Variants in ERICH1 observed in about 807,000 individuals in gnomAD.
ERICH1 encodes the protein glutamate-rich protein 1.
A neutral mutation model predicts 39.6 loss-of-function variants in ERICH1; 56 were observed. The observed-to-expected ratio is 1.41, with a 90% CI of 1.14 to 1.77. The LOEUF is 1.77. ERICH1 is among the 40% of genes most tolerant of loss of function. The pLI is 0.00. For synonymous variants in ERICH1, 313 were observed against 223.6 expected (o/e 1.40, Z -3.57); for missense variants, 826 against 575.4 (o/e 1.44, Z -4.45).
At chr8:638,237 G>T (rs1308152910) in intron 3 of ERICH1, among the ~76,000 whole-genome samples, 3 of 152,234 alleles carry the variant, frequency 2.0e-5, no homozygotes, top group Non-Finnish European at 2.9e-5. Flanking sequence ...TGATTTCAGA[G>T]CCTCCCAGTG....
chr8:678,388 TAGAAAC>T (rs139580627), intron 3 of ERICH1, among the ~76,000 whole-genome samples: 8,800 of 152,252 alleles, frequency 0.058, 374 homozygotes, highest in African/African-American at 0.12. Context: ...GTTAATCCGT[TAGAAAC>T]AGATTCCTGA....
exon 4 of ERICH1, chr8:615,283 T>G (rs1040270874): frequency 1.4e-6 from 1 of 692,350 alleles, no homozygotes; most frequent in Non-Finnish European, 2.6e-6. Flanking sequence ...TGCTTAGGAC[T>G]CCTGGAAAAT....
chr8:637,114 TTC>T (rs1218760521), intron 3 of ERICH1, among the ~76,000 whole-genome samples: 3 of 152,234 alleles, frequency 2.0e-5, no homozygotes, highest in African/African-American at 4.8e-5. Flanking sequence ...ACGTTTCTGC[TTC>T]TCTCTTCTCT....
intron 3 of ERICH1, among the ~76,000 whole-genome samples, chr8:632,798 G>C (rs1197324209): frequency 6.6e-6 from 1 of 152,162 alleles, no homozygotes. Context: ...CTTTGCCCTG[G>C]GGGACATTTG....
Position 695,430 on chromosome 8 carries a change from C to T in ERICH1, c.170-2818G>A, listed in dbSNP as rs113514787. On this transcript the variant is annotated intron_variant, in intron 2 of 5. Coordinates refer to ENST00000262109, the MANE Select transcript of ERICH1 (RefSeq NM_207332.3). The stretch of plus-strand genomic sequence containing the variant: ...ATCTGACACAGATCCTTACGCCGCT[C>T]ACCTGGCAGAGGCCAGCCATCCCTG... 7.0e-4 allele frequency among the ~76,000 whole-genome samples: 106 copies of T among 152,196 alleles called. 1 individual carries two copies. The highest frequency in any genetic ancestry group is 6.8e-3 in the Middle Eastern group (2 of 294).
chr8:688,310 C>CCCGGCCCCT, intron 3 of ERICH1, among the ~76,000 whole-genome samples: 1 of 78,450 alleles, frequency 1.3e-5, no homozygotes, highest in Middle Eastern at 0.011. Context: ...GCCGCCCCGC[C>CCCGGCCCCT]CCGGGCCACC....
rs940721615 is a variant in ERICH1, at chr8:678,414, A to C, written c.305-4367T>G. Among the ~76,000 whole-genome samples, 9 of 152,338 alleles carry C rather than the reference A, an allele frequency of 5.9e-5. No homozygotes were observed. In the East Asian group the frequency reaches 1.2e-3, roughly 20 times the overall value. On this transcript the variant is annotated intron_variant, in intron 3 of 5. Transcript: ENST00000262109. ...AGAAACAGATTCCTGAGAAAAGTACAATTTAGCCAATGGACACAGAAAGAA... is the reference window on the plus strand; with the variant it reads ...AGAAACAGATTCCTGAGAAAAGTACCATTTAGCCAATGGACACAGAAAGAA...
downstream of ERICH1, among the ~76,000 whole-genome samples, chr8:661,408 G>A (rs535179196): frequency 6.6e-6 from 1 of 152,254 alleles, no homozygotes; most frequent in East Asian, 1.9e-4. Context: ...GACACAGGCG[G>A]AGGTCCCAGG....
intron 3 of ERICH1, among the ~76,000 whole-genome samples, chr8:633,482 C>T (rs1054131303): frequency 6.6e-6 from 1 of 152,126 alleles, no homozygotes; most frequent in Non-Finnish European, 1.5e-5. Context: ...GCCCTCAAAA[C>T]AATATATCTT....
At chr8:671,436 C>T (rs1204126279) in intron 4 of ERICH1, among the ~76,000 whole-genome samples, 2 of 140,570 alleles carry the variant, frequency 1.4e-5, no homozygotes, top group East Asian at 2.3e-4. Flanking sequence ...CCGGCCCCGG[C>T]TCTAATGTCT....
intron 3 of ERICH1, among the ~76,000 whole-genome samples, chr8:688,593 A>T (rs1322910222): frequency 3.9e-5 from 6 of 152,168 alleles, no homozygotes; most frequent in Non-Finnish European, 7.4e-5. Flanking sequence ...TTACTTGGTA[A>T]ACCCTGATTA....
At chr8:695,385 C>T (rs971844321) in intron 2 of ERICH1, among the ~76,000 whole-genome samples, 4 of 152,074 alleles carry the variant, frequency 2.6e-5, no homozygotes, top group East Asian at 1.9e-4. Context: ...CACACCATGA[C>T]GGCTGTGAGC....
In ERICH1 at chr8:646,961, C is replaced by G. The variant is rs1227912815; in HGVS notation, c.976+21637G>C. ...AGCAATTCACGCCAGTTAATCTGTGCCGAGGGCCTACCAAGCCCTCCACAT... is the reference window on the plus strand; with the variant it reads ...AGCAATTCACGCCAGTTAATCTGTGGCGAGGGCCTACCAAGCCCTCCACAT... On this transcript the variant is annotated intron_variant, in intron 3 of 3. Coordinates refer to the ERICH1 transcript ENST00000522706. Among the ~76,000 whole-genome samples, 6 of 68,986 alleles carry G rather than the reference C, an allele frequency of 8.7e-5. 1 individual carries two copies. Among genetic ancestry groups the G allele is most frequent in the African/African-American group, 2.2e-4 (6 of 27,300 alleles). 45.3% of individuals were successfully genotyped at this position (68,986 alleles called of 152,430 possible).
intron 3 of ERICH1, among the ~76,000 whole-genome samples, chr8:650,158 C>CCGGCACAG (rs1799765599): frequency 6.6e-6 from 1 of 152,210 alleles, no homozygotes; most frequent in Non-Finnish European, 1.5e-5. Context: ...GCTTGCGTGT[C>CCGGCACAG]CGGCACAGCG....
intron 1 of ERICH1, among the ~76,000 whole-genome samples, chr8:729,925 AG>A (rs1297161867): frequency 6.6e-6 from 1 of 152,156 alleles, no homozygotes; most frequent in Non-Finnish European, 1.5e-5. Context: ...GGAATGTAAG[AG>A]AAGAGTGTGT....
intron 4 of ERICH1, among the ~76,000 whole-genome samples, chr8:672,896 G>A (rs979100850): frequency 9.9e-5 from 15 of 152,244 alleles, no homozygotes; most frequent in African/African-American, 3.6e-4. Context: ...GGTGAGCTCA[G>A]CTCATCAAAA....
chr8:727,353 C>T lies in ERICH1; in HGVS notation c.22+3787G>A, dbSNP rs571714008. 1.4e-4 allele frequency among the ~76,000 whole-genome samples: 22 copies of T among 152,344 alleles called. No homozygotes were observed. The South Asian group carries it at 3.3e-3, about 23-fold the overall frequency. ...GCACCAGTGCCAGCACCGTGGACAG[C>T]GCCAGCGATTCCTGGCGTGTGAAGT... On this transcript the variant is annotated intron_variant, in intron 1 of 5. Coordinates refer to ENST00000262109, the MANE Select transcript of ERICH1 (RefSeq NM_207332.3).
chr8:699,287 G>C (rs1811110063), intron 2 of ERICH1, among the ~76,000 whole-genome samples: 1 of 152,080 alleles, frequency 6.6e-6, no homozygotes, highest in African/African-American at 2.4e-5. Flanking sequence ...AATGCTACCG[G>C]GGGGAGCGCC....
chr8:690,086 T>A (rs1808567474), intron 3 of ERICH1, among the ~76,000 whole-genome samples: 1 of 152,210 alleles, frequency 6.6e-6, no homozygotes, highest in Non-Finnish European at 1.5e-5. Flanking sequence ...CAACCCCACG[T>A]CAACAAGAGG....
Sources: gnomAD v4.1 joint callset for allele counts (sites outside exome capture counted in the v4.1 genomes callset) on GRCh38, gnomAD v4.1.1 for gene constraint, MANE v1.5 for transcripts, NCBI Gene and HGNC (gene_info 2026-07-23, HGNC 2026-07-21) for gene names.